AUTS2: variants seen among roughly 807,000 people sequenced by gnomAD.
AUTS2 encodes autism susceptibility gene 2 protein.
A neutral mutation model predicts 112.4 loss-of-function variants in AUTS2; 17 were observed. That is an observed-to-expected ratio of 0.15 (90% CI 0.10 to 0.23). AUTS2 has a LOEUF of 0.23. Among genes scored for constraint, AUTS2 ranks in the 10% least tolerant of loss-of-function variants. The probability of loss-of-function intolerance (pLI) is 1.00; values close to 1 mark genes in which losing one functional copy is unlikely to be tolerated. For synonymous variants in AUTS2, 751 were observed against 702.7 expected (o/e 1.07, Z -1.09); for missense variants, 1,510 against 1,701.6 (o/e 0.89, Z 1.98).
intron 16 of AUTS2, among the ~76,000 whole-genome samples, chr7:70,785,688 A>G (rs1486626982): frequency 5.3e-5 from 8 of 152,228 alleles, no homozygotes; most frequent in Non-Finnish European, 8.8e-5. Flanking sequence ...AGTACATCCT[A>G]GCTTGAGTAG....
chr7:69,945,247 A>G (rs1796764702), intron 2 of AUTS2, among the ~76,000 whole-genome samples: 1 of 152,200 alleles, frequency 6.6e-6, no homozygotes, highest in Non-Finnish European at 1.5e-5. Context: ...CCTGAACCCA[A>G]AAGGGCCATT....
chr7:70,745,036 ATT>A (rs11304648), intron 6 of AUTS2, among the ~76,000 whole-genome samples: 23 of 149,758 alleles, frequency 1.5e-4, no homozygotes, highest in South Asian at 1.1e-3. Context: ...ATAATTAGCA[ATT>A]TTTTTTTTTG....
intron 2 of AUTS2, among the ~76,000 whole-genome samples, chr7:69,949,107 T>C (rs1336374741): frequency 1.3e-5 from 2 of 152,170 alleles, no homozygotes; most frequent in Non-Finnish European, 2.9e-5. Context: ...ACGCCCAGCC[T>C]ATTTCTTGAT....
intron 2 of AUTS2, among the ~76,000 whole-genome samples, chr7:69,901,975 A>G (rs1794986739): frequency 6.6e-6 from 1 of 152,198 alleles, no homozygotes; most frequent in Non-Finnish European, 1.5e-5. Flanking sequence ...ACAGTGTTGT[A>G]AAGGTCTGTA....
intron 4 of AUTS2, among the ~76,000 whole-genome samples, chr7:70,226,986 G>T (rs1411056712): frequency 6.6e-6 from 1 of 152,094 alleles, no homozygotes; most frequent in Non-Finnish European, 1.5e-5. Context: ...AGCTAAAAGG[G>T]GTTGGGGTGA....
Position 70,784,765 on chromosome 7 carries a change from A to C in AUTS2, c.2147-177A>C, listed in dbSNP as rs1014495300. The C allele has an allele frequency of 4.4e-4, 146 of 330,772 alleles. 8 individuals carry two copies. The East Asian group carries it at 7.3e-3, about 17-fold the overall frequency. The allele number at this position is 330,772 out of a possible 1,614,324, so 20.5% of individuals were successfully genotyped here. ...CCTAAAAAAAAAAAAAAAAAAAAAAAAAAAAAAACACACATTTTCTTTTAC... is the reference window on the plus strand; with the variant it reads ...CCTAAAAAAAAAAAAAAAAAAAAAACAAAAAAAACACACATTTTCTTTTAC... On this transcript the variant is annotated intron_variant, in intron 15 of 18. Coordinates refer to ENST00000342771, the MANE Select transcript of AUTS2 (RefSeq NM_015570.4).
At chr7:69,670,140 G>C (rs1796250317) in intron 1 of AUTS2, among the ~76,000 whole-genome samples, 1 of 152,086 alleles carries the variant, frequency 6.6e-6, no homozygotes, top group African/African-American at 2.4e-5. Context: ...CTTCTTTAAG[G>C]TTGAGTCTTG....
intron 4 of AUTS2, among the ~76,000 whole-genome samples, chr7:70,144,910 C>G (rs910186224): frequency 9.9e-5 from 15 of 151,986 alleles, no homozygotes; most frequent in Non-Finnish European, 2.1e-4. Flanking sequence ...TAAGAACGAG[C>G]CTTTATTGAA....
intron 5 of AUTS2, among the ~76,000 whole-genome samples, chr7:70,520,864 C>G (rs188629669): frequency 1.4e-4 from 22 of 152,284 alleles, no homozygotes; most frequent in Non-Finnish European, 2.8e-4. Flanking sequence ...TCCTAATGAG[C>G]CTTTCTTTGT....
intron 1 of AUTS2, among the ~76,000 whole-genome samples, chr7:69,819,230 T>G (rs1434748480): frequency 6.6e-6 from 1 of 152,214 alleles, no homozygotes; most frequent in Non-Finnish European, 1.5e-5. Context: ...AGAAATGGAA[T>G]TTTTGATTCA....
chr7:70,234,047 A>G (rs1356745802), intron 4 of AUTS2, among the ~76,000 whole-genome samples: 2 of 152,180 alleles, frequency 1.3e-5, no homozygotes, highest in Non-Finnish European at 2.9e-5. Context: ...CCTGAATACC[A>G]TCTTGTGATG....
chr7:69,920,521 G>GA (rs1400231679), intron 2 of AUTS2, among the ~76,000 whole-genome samples: 1 of 152,090 alleles, frequency 6.6e-6, no homozygotes, highest in Non-Finnish European at 1.5e-5. Context: ...CCTGAGCTCA[G>GA]AGAATCTACC....
chr7:70,166,740 A>G (rs1388688683), intron 4 of AUTS2, among the ~76,000 whole-genome samples: 3 of 152,212 alleles, frequency 2.0e-5, no homozygotes, highest in South Asian at 2.1e-4. Context: ...TTTTTAAAGT[A>G]TAATAGTACA....
At chr7:70,331,028 G>T (rs898762508) in intron 4 of AUTS2, among the ~76,000 whole-genome samples, 1 of 152,080 alleles carries the variant, frequency 6.6e-6, no homozygotes, top group Non-Finnish European at 1.5e-5. Flanking sequence ...TTGTGTCTCT[G>T]CCAGGTTTTG....
At chr7:69,829,265 A>G (rs1460384441) in intron 1 of AUTS2, among the ~76,000 whole-genome samples, 1 of 152,162 alleles carries the variant, frequency 6.6e-6, no homozygotes, top group Non-Finnish European at 1.5e-5. Flanking sequence ...AGACTTAAAT[A>G]TAAAACCCCA....
intron 4 of AUTS2, among the ~76,000 whole-genome samples, chr7:70,412,319 T>C (rs1365643725): frequency 6.6e-6 from 1 of 151,894 alleles, no homozygotes; most frequent in Non-Finnish European, 1.5e-5. Context: ...AGTCTTATGT[T>C]CTTATTTTTA....
At chr7:70,673,382 T>C (rs1563118176) in intron 5 of AUTS2, among the ~76,000 whole-genome samples, 1 of 151,612 alleles carries the variant, frequency 6.6e-6, no homozygotes, top group African/African-American at 2.4e-5. Flanking sequence ...TCTTTTTTTT[T>C]TTAAGACAGG....
chr7:70,746,492 G>GT (rs1788462687), intron 6 of AUTS2, among the ~76,000 whole-genome samples: 2 of 152,200 alleles, frequency 1.3e-5, no homozygotes, highest in African/African-American at 4.8e-5. Context: ...ATTTAATCTT[G>GT]TATAATAAAA....
chr7:70,504,448 T>C (rs1377673910), intron 5 of AUTS2, among the ~76,000 whole-genome samples: 2 of 150,916 alleles, frequency 1.3e-5, no homozygotes, highest in Non-Finnish European at 3.0e-5. Flanking sequence ...CAAACATGAC[T>C]AATGAGGCAT....
Sources: gnomAD v4.1 joint callset for allele counts (sites outside exome capture counted in the v4.1 genomes callset) on GRCh38, gnomAD v4.1.1 for gene constraint, MANE v1.5 for transcripts, NCBI Gene and HGNC (gene_info 2026-07-23, HGNC 2026-07-21) for gene names.